The following KCNQ3 variants were observed in gnomAD, a reference collection of about 807,000 sequenced individuals.
KCNQ3 encodes the protein potassium voltage-gated channel subfamily Q member 3.
KCNQ3 carries 30 observed loss-of-function variants against 92.5 expected under a neutral mutation model. The ratio of observed to expected loss-of-function variants is 0.32; its 90% CI spans 0.24 to 0.44. The LOEUF is 0.44. KCNQ3 is among the 20% of genes least tolerant of loss of function. The probability of loss-of-function intolerance (pLI) is 1.00; values close to 1 mark genes in which losing one functional copy is unlikely to be tolerated. For synonymous variants in KCNQ3, 450 were observed against 468.8 expected, an observed-to-expected ratio of 0.96 and a Z score of 0.52; for missense variants, 913 against 1,140.3, an observed-to-expected ratio of 0.80 and a Z score of 2.87.
rs773672399 is a variant in KCNQ3 at position 132,129,846 on chromosome 8, C to T, written c.2035G>A (p.Asp679Asn). 10 of 1,614,004 alleles carry T rather than the reference C, an allele frequency of 6.2e-6. No homozygotes were observed. The East Asian group carries it at 6.7e-5, about 11-fold the overall frequency. The change falls in exon 15 of 15, where the codon GAT (aspartate) becomes AAT (asparagine). Residue 679 changes from aspartate to asparagine, a missense_variant. Physicochemically the swap from Asp to Asn is conservative, Grantham distance 23. This residue lies in a region of KCNQ3 where 375 missense variants were observed against 376.4 expected (regional missense o/e 1.00). Coordinates refer to ENST00000388996, the MANE Select transcript of KCNQ3 (RefSeq NM_004519.4). This position sits in a 1 kb window ranked among gnomAD's most constrained non-coding sequence, Gnocchi z 5.9. The stretch of plus-strand genomic sequence containing the variant: ...TAGTTGCAGATGATGGTTTTCAAAT[C>T]GGAATACCTGTTGTCCTCCTTCTTC... Reference protein sequence around the residue: ...AEKKEDNRYSDLKTIICNYSE... With the variant: ...AEKKEDNRYSNLKTIICNYSE...
chr8:132,223,636 G>A (rs1285961985), intron 1 of KCNQ3, among the ~76,000 whole-genome samples: 1 of 152,158 alleles, frequency 6.6e-6, no homozygotes, highest in African/African-American at 2.4e-5. Context: ...GAGATGATCA[G>A]TAAAACTTAT....
chr8:132,132,223 T>C lies in KCNQ3; in HGVS notation c.1841A>G (p.Glu614Gly). The change falls in exon 14 of 15, where the codon GAA (glutamate) becomes GGA (glycine). Residue 614 changes from glutamate (E) to glycine (G), a missense_variant. Glu to Gly is a moderately conservative substitution (Grantham distance 98, BLOSUM62 -2). This residue lies in a region of KCNQ3 where 375 missense variants were observed against 376.4 expected (regional missense o/e 1.00). Coordinates refer to ENST00000388996, the MANE Select transcript of KCNQ3 (RefSeq NM_004519.4). ...AAACTTCCCCATCATGCTTTGGTCTTCGATTTCTGATGTGGATGGTCTGGC... is the reference window on the plus strand; with the variant it reads ...AAACTTCCCCATCATGCTTTGGTCTCCGATTTCTGATGTGGATGGTCTGGC... ...YVARPSTSEIEDQSMMGKFVK... is the reference protein window; with the variant it reads ...YVARPSTSEIGDQSMMGKFVK... 6.2e-7 allele frequency: 1 copy of C among 1,613,968 alleles called. No homozygotes were observed. The highest frequency in any genetic ancestry group is 2.2e-5 in the East Asian group (1 of 44,886).
intron 1 of KCNQ3, among the ~76,000 whole-genome samples, chr8:132,261,616 G>A (rs762936661): frequency 6.6e-6 from 1 of 152,224 alleles, no homozygotes; most frequent in Non-Finnish European, 1.5e-5. Context: ...TGGGGACCAA[G>A]CTGGCAGGAG....
At chr8:132,310,004 A>T (rs1464706466) in intron 1 of KCNQ3, among the ~76,000 whole-genome samples, 1 of 152,244 alleles carries the variant, frequency 6.6e-6, no homozygotes, top group African/African-American at 2.4e-5. Context: ...ATTACAGCAT[A>T]AGAGAAGGAG....
chr8:132,132,123 G>A (rs1824904612), intron 14 of KCNQ3, 57 bp downstream of exon 14: 3 of 1,099,806 alleles, frequency 2.7e-6, no homozygotes, highest in Non-Finnish European at 4.2e-6. Flanking sequence ...AAAAGAAATG[G>A]CATTTGAAAA....
intron 1 of KCNQ3, among the ~76,000 whole-genome samples, chr8:132,472,778 C>A (rs1236471421): frequency 6.6e-6 from 1 of 152,154 alleles, no homozygotes; most frequent in Non-Finnish European, 1.5e-5. Flanking sequence ...GTTCCCAACA[C>A]ATAGAAATGA....
intron 1 of KCNQ3, among the ~76,000 whole-genome samples, chr8:132,405,190 G>C (rs940631183): frequency 1.3e-5 from 2 of 152,238 alleles, no homozygotes; most frequent in Non-Finnish European, 2.9e-5. Flanking sequence ...AGCAGCCAGA[G>C]AGGAGAGATT....
chr8:132,138,167 C>A (rs1825168315), intron 11 of KCNQ3, 151 bp from the exon 12 acceptor site: 1 of 793,588 alleles, frequency 1.3e-6, no homozygotes, highest in Non-Finnish European at 2.1e-6. Context: ...TCTGGTTCTA[C>A]CCCTTGGAAC....
At chr8:132,454,347 T>C (rs762498917) in intron 1 of KCNQ3, among the ~76,000 whole-genome samples, 16 of 152,226 alleles carry the variant, frequency 1.1e-4, no homozygotes, top group Non-Finnish European at 2.9e-5. Context: ...GTCACAGTCA[T>C]TAAAATTATG....
intron 1 of KCNQ3, among the ~76,000 whole-genome samples, chr8:132,252,668 A>T (rs2130445255): frequency 6.6e-6 from 1 of 152,232 alleles, no homozygotes. Flanking sequence ...CAGAGTGCTG[A>T]TTGGCCCATT....
chr8:132,479,562 G>A (rs1407825678), intron 1 of KCNQ3, among the ~76,000 whole-genome samples: 1 of 151,820 alleles, frequency 6.6e-6, no homozygotes, highest in Non-Finnish European at 1.5e-5. Flanking sequence ...CCAGCTCCCA[G>A]TCAGAGCAGC....
intron 1 of KCNQ3, among the ~76,000 whole-genome samples, chr8:132,255,781 C>A (rs866340287): frequency 2.0e-5 from 3 of 152,154 alleles, no homozygotes; most frequent in South Asian, 2.1e-4. Flanking sequence ...TGAACACAGA[C>A]TTAAGTGGGC....
chr8:132,319,305 T>C (rs1563857280), intron 1 of KCNQ3, among the ~76,000 whole-genome samples: 1 of 152,168 alleles, frequency 6.6e-6, no homozygotes, highest in Non-Finnish European at 1.5e-5. Context: ...CAATGGGAAT[T>C]TGACCCTAGG....
chr8:132,131,813 C>T (rs911234968), intron 14 of KCNQ3, among the ~76,000 whole-genome samples: 3 of 152,056 alleles, frequency 2.0e-5, no homozygotes, highest in Admixed American at 1.3e-4. Flanking sequence ...GGGGACTGGG[C>T]GCAGTGGCTC....
At chr8:132,201,374 A>G (rs1827454797) in intron 1 of KCNQ3, among the ~76,000 whole-genome samples, 1 of 152,078 alleles carries the variant, frequency 6.6e-6, no homozygotes, top group Admixed American at 6.5e-5. Context: ...CAAAAATCCA[A>G]AGTCTGGAGT....
intron 1 of KCNQ3, among the ~76,000 whole-genome samples, chr8:132,328,436 G>T (rs1190291355): frequency 2.6e-5 from 4 of 152,146 alleles, no homozygotes; most frequent in African/African-American, 7.2e-5. Flanking sequence ...TGGTGAGGTG[G>T]CTATAGGTGT....
At chr8:132,133,718 G>A (rs1215078401) in intron 13 of KCNQ3, among the ~76,000 whole-genome samples, 1 of 152,170 alleles carries the variant, frequency 6.6e-6, no homozygotes, top group East Asian at 1.9e-4. Flanking sequence ...CACTCATTGT[G>A]TTACCTGCCT....
chr8:132,333,017 TTGGATGGATGGATGGATGGATGGA>T (rs3049635), intron 1 of KCNQ3, among the ~76,000 whole-genome samples: 5 of 149,826 alleles, frequency 3.3e-5, no homozygotes, highest in Non-Finnish European at 7.4e-5. Context: ...GATGAATGGA[TTGGATGGATGGATGGATGGATGGA>T]TGGATGGATG....
chr8:132,208,433 G>A (rs1813737525), intron 1 of KCNQ3, among the ~76,000 whole-genome samples: 1 of 152,092 alleles, frequency 6.6e-6, no homozygotes, highest in Admixed American at 6.5e-5. Flanking sequence ...AATGCAAAAA[G>A]GTTATTCACT....
Sources: gnomAD v4.1 joint callset for allele counts (sites outside exome capture counted in the v4.1 genomes callset) on GRCh38, gnomAD v4.1.1 for gene constraint, gnomAD v4.1.1 regional missense constraint, Gnocchi (gnomAD v3.1) non-coding constraint, MANE v1.5 for transcripts, NCBI Gene and HGNC (gene_info 2026-07-23, HGNC 2026-07-21) for gene names.